The following KCNJ14 variants were observed in gnomAD, a reference collection of about 807,000 sequenced individuals.
The protein encoded by KCNJ14 is potassium inwardly rectifying channel subfamily J member 14.
A neutral mutation model predicts 24.5 loss-of-function variants in KCNJ14; 18 were observed. The observed-to-expected ratio is 0.74, with a 90% CI of 0.51 to 1.09. The LOEUF (loss-of-function observed/expected upper bound fraction) is 1.09, where lower values mean the gene tolerates loss of function less well. KCNJ14 is among the 50% of genes least tolerant of loss of function. The pLI, the probability that KCNJ14 is intolerant of heterozygous loss-of-function variation, is 0.00. For synonymous variants in KCNJ14, 288 were observed against 270.8 expected (o/e 1.06, Z -0.63); for missense variants, 633 against 623.0 (o/e 1.02, Z -0.17).
rs772340028 is a variant in KCNJ14, at chr19:48,464,419, C to T, written c.953C>T (p.Ser318Leu). 4.1e-5 allele frequency: 66 copies of T among 1,613,428 alleles called. No individual in the cohort carries two copies. Among genetic ancestry groups the T allele is most frequent in the African/African-American group, 2.7e-5 (2 of 74,894 alleles). ...ACAGCCATGACCACACAGTGTCGCT[C>T]GTCCTACCTCCCTGGTGAACTGCTC... The part of the protein sequence containing the change: ...EATAMTTQCR[S>L]SYLPGELLWG... Residue 318 changes from serine (S) to leucine (L), a missense_variant, in exon 3 of 3, where the codon TCG becomes TTG. Coordinates refer to ENST00000342291, the MANE Select transcript of KCNJ14 (RefSeq NM_013348.4).
chr19:48,464,462 G>C lies in KCNJ14; in HGVS notation c.996G>C (p.Glu332Asp), dbSNP rs1324745501. ...PGELLWGHRF[E>D]PVLFQRGSQY... is the part of the protein sequence containing the mutation. ...AACTGCTCTGGGGCCATCGTTTTGA[G>C]CCAGTTCTCTTCCAGCGTGGCTCCC... The change falls in exon 3 of 3, where the codon GAG (glutamate) becomes GAC (aspartate). Residue 332 changes from glutamate to aspartate, a missense_variant. Coordinates refer to ENST00000342291, the MANE Select transcript of KCNJ14 (RefSeq NM_013348.4). 10 of 1,613,836 alleles carry C rather than the reference G, an allele frequency of 6.2e-6. No homozygotes were observed. Among genetic ancestry groups the C allele is most frequent in the Non-Finnish European group, 7.6e-6 (9 of 1,179,974 alleles).
intron 1 of KCNJ14, among the ~76,000 whole-genome samples, chr19:48,460,384 C>T (rs1276320000): frequency 6.6e-6 from 1 of 152,128 alleles, no homozygotes; most frequent in Non-Finnish European, 1.5e-5. Context: ...GCTGGGATTA[C>T]AGGCATGTGC....
Position 48,464,678 on chromosome 19 carries a change from G to A in KCNJ14, c.1212G>A (p.Glu404=), listed in dbSNP as rs774815907. ...TGAGCTGCTGCCAGGAGGAAGATGA[G>A]GACGATGAGACTGAGGAAGGGAATG... The part of the protein sequence containing the change: ...LALSCCQEED[E]DDETEEGNGV... Residue 404 remains glutamate (E), a synonymous_variant, in exon 3 of 3, where the codon GAG becomes GAA. Transcript: ENST00000342291. 3.1e-6 allele frequency: 5 copies of A among 1,613,832 alleles called. No homozygotes were observed. Among genetic ancestry groups the A allele is most frequent in the African/African-American group, 1.3e-5 (1 of 74,922 alleles).
chr19:48,460,495 G>A lies in KCNJ14; in HGVS notation c.-55-1175G>A, dbSNP rs571694481. On this transcript the variant is annotated intron_variant, in intron 1 of 2. Transcript: ENST00000342291. ...TGACCTCAGGTGATCCGCCCGCCTC[G>A]GCCTCCCAAAGTGCTGGGATTACAG... Among the ~76,000 whole-genome samples, 36 of 152,094 alleles carry A rather than the reference G, an allele frequency of 2.4e-4. No homozygotes were observed. The South Asian group carries it at 2.9e-3, about 12-fold the overall frequency.
At chr19:48,459,657 A>G (rs1377941820) in intron 1 of KCNJ14, among the ~76,000 whole-genome samples, 1 of 151,984 alleles carries the variant, frequency 6.6e-6, no homozygotes. Flanking sequence ...CAGCCTCCCA[A>G]AGCGCTAGGA....
rs1971653693 is a variant in KCNJ14 at position 48,466,216 on chromosome 19, A to T, written c.*1439A>T. ...TGCCTCAGTCTCCTGAGTCGCTGGG[A>T]TTACAGGCATGAGCCACTATGCCTG... On this transcript the variant is annotated 3_prime_UTR_variant, in exon 3 of 3. Transcript: ENST00000342291. 6.6e-6 allele frequency: 1 copy of T among 150,820 alleles called. No individual in the cohort carries two copies. Among genetic ancestry groups the T allele is most frequent in the South Asian group, 2.1e-4 (1 of 4,790 alleles). The allele number at this position is 150,820 out of a possible 1,614,324, so 9.3% of individuals were successfully genotyped here.
In KCNJ14 at chr19:48,462,485, T is replaced by C; in HGVS notation, c.714+47T>C. 1 of 1,376,838 alleles carries C rather than the reference T, an allele frequency of 7.3e-7. No individual in the cohort carries two copies. The highest frequency in any genetic ancestry group is 9.6e-7 in the Non-Finnish European group (1 of 1,040,468). The allele number at this position is 1,376,838 out of a possible 1,614,324, so 85.3% of individuals were successfully genotyped here. ...GGGACTTCCGTGAGCCCTGGGGGATTGTGGGAGATGTAGGCCCGAGGGCGA... is the reference window on the plus strand; with the variant it reads ...GGGACTTCCGTGAGCCCTGGGGGATCGTGGGAGATGTAGGCCCGAGGGCGA... On this transcript the variant is annotated intron_variant, in intron 2 of 2. Coordinates refer to ENST00000342291, the MANE Select transcript of KCNJ14 (RefSeq NM_013348.4). The surrounding 1 kb of genome is among the most constrained non-coding windows in gnomAD (Gnocchi z 4.9).
Position 48,464,475 on chromosome 19 carries a change from C to T in KCNJ14, c.1009C>T (p.Gln337Ter). The T allele has an allele frequency of 6.2e-7, 1 of 1,614,080 alleles. No homozygotes were observed. Among genetic ancestry groups the T allele is most frequent in the Non-Finnish European group, 8.5e-7 (1 of 1,180,004 alleles). ...WGHRFEPVLFQRGSQYEVDYR... is the reference protein window; with the variant it reads ...WGHRFEPVLF Reference sequence around the variant, plus strand: ...CCATCGTTTTGAGCCAGTTCTCTTCCAGCGTGGCTCCCAGTATGAGGTCGA... The same window carrying T: ...CCATCGTTTTGAGCCAGTTCTCTTCTAGCGTGGCTCCCAGTATGAGGTCGA... Residue 337 changes from glutamine (Q) to a stop codon, truncating the protein, a stop_gained, in exon 3 of 3, where the codon CAG (glutamine) becomes TAG (stop). Transcript: ENST00000342291. LOFTEE classifies it high-confidence loss of function.
In KCNJ14 at chr19:48,464,310, A is replaced by G. The variant is rs1488341938; in HGVS notation, c.844A>G (p.Ser282Gly). 6.2e-7 allele frequency: 1 copy of G among 1,613,846 alleles called. No individual in the cohort carries two copies. Among genetic ancestry groups the G allele is most frequent in the African/African-American group, 1.3e-5 (1 of 75,006 alleles). The part of the protein sequence containing the change: ...ITIVHEIDSA[S>G]PLYELGRAEL... ...CATCGTCCATGAGATCGACTCTGCCAGTCCTCTGTATGAGCTAGGACGTGC... is the reference window on the plus strand; with the variant it reads ...CATCGTCCATGAGATCGACTCTGCCGGTCCTCTGTATGAGCTAGGACGTGC... The change falls in exon 3 of 3, where the codon AGT (serine) becomes GGT (glycine). Residue 282 changes from serine (S) to glycine (G), a missense_variant. Coordinates refer to ENST00000342291, the MANE Select transcript of KCNJ14 (RefSeq NM_013348.4).
chr19:48,466,878 G>A lies in KCNJ14; in HGVS notation c.*2101G>A, dbSNP rs543330584. The A allele has an allele frequency of 6.6e-6, 1 of 152,456 alleles. No homozygotes were observed. Among genetic ancestry groups the A allele is most frequent in the South Asian group, 2.1e-4 (1 of 4,828 alleles). 9.4% of individuals were successfully genotyped at this position (152,456 alleles called of 1,614,324 possible). ...CTTCCCTGGCCTAGCTTGGGGACCT[G>A]GGGAGGAGGAGGTAGCTCTGGACAC... On this transcript the variant is annotated 3_prime_UTR_variant, in exon 3 of 3. Transcript: ENST00000342291.
rs1971601284 is a variant in KCNJ14 at position 48,461,852 on chromosome 19, C to T, written c.128C>T (p.Ser43Leu). The stretch of plus-strand genomic sequence containing the variant: ...GGGTGGGCGCCGGCACCGGTGCAGT[C>T]ACCCGTGGGCCGGCGCCGCGGTCGC... Reference protein sequence around the residue: ...RNGWAPAPVQSPVGRRRGRFV... With the variant: ...RNGWAPAPVQLPVGRRRGRFV... The change falls in exon 2 of 3, where the codon TCA (serine) becomes TTA (leucine). Residue 43 changes from serine to leucine, a missense_variant. Coordinates refer to ENST00000342291, the MANE Select transcript of KCNJ14 (RefSeq NM_013348.4). The T allele has an allele frequency of 1.3e-6, 2 of 1,545,640 alleles. No homozygotes were observed. Among genetic ancestry groups the T allele is most frequent in the Non-Finnish European group, 1.7e-6 (2 of 1,145,932 alleles).
chr19:48,459,501 C>T (rs950925571), intron 1 of KCNJ14, among the ~76,000 whole-genome samples: 2 of 152,052 alleles, frequency 1.3e-5, no homozygotes, highest in Admixed American at 6.6e-5. Flanking sequence ...CTTAAGCAAT[C>T]CTCCCACCTC....
At position 48,464,981 on chromosome 19, in the gene KCNJ14, T is replaced by C. The variant is rs1971642021; in HGVS notation, c.*204T>C. The C allele has an allele frequency of 4.5e-5, 26 of 580,234 alleles. No individual in the cohort carries two copies. The South Asian group carries it at 5.2e-4, about 12-fold the overall frequency. 35.9% of individuals were successfully genotyped at this position (580,234 alleles called of 1,614,324 possible). On this transcript the variant is annotated 3_prime_UTR_variant, in exon 3 of 3. Transcript: ENST00000342291. Reference sequence around the variant, plus strand: ...TTAATTCCTCTGCTTCTGTGCTCCCTCCTGAGAACCCTTTATGAGCCTGAT... The same window carrying C: ...TTAATTCCTCTGCTTCTGTGCTCCCCCCTGAGAACCCTTTATGAGCCTGAT...
rs1569084708 is a variant in KCNJ14 at position 48,464,744 on chromosome 19, C to T, written c.1278C>T (p.Leu426=). ...ATGGGGCTGCTAGCCCCCGAGTTCT[C>T]ACACCAACCCTGGCGCTGACCCTGC... ...TEDGAASPRV[L]TPTLALTLPP The change falls in exon 3 of 3, where the codon CTC becomes CTT. Residue 426 remains leucine (L), a synonymous_variant. Transcript: ENST00000342291. 1.9e-6 allele frequency: 3 copies of T among 1,608,110 alleles called. No individual in the cohort carries two copies. Among genetic ancestry groups the T allele is most frequent in the Non-Finnish European group, 2.5e-6 (3 of 1,179,874 alleles).
At position 48,462,460 on chromosome 19, in the gene KCNJ14, G is replaced by A. The variant is rs1971612945; in HGVS notation, c.714+22G>A. 4.2e-6 allele frequency: 6 copies of A among 1,445,374 alleles called. No homozygotes were observed. In the South Asian group the frequency reaches 5.7e-5, roughly 14 times the overall value. 89.5% of individuals were successfully genotyped at this position (1,445,374 alleles called of 1,614,324 possible). A position where few individuals can be genotyped will look rare whatever the true frequency, so the allele number is the denominator to read the frequency against. ...GCAGGTGCGCCCGGGAGGAGAGGCG[G>A]GGACTTCCGTGAGCCCTGGGGGATT... On this transcript the variant is annotated intron_variant, in intron 2 of 2. Transcript: ENST00000342291. This position sits in a 1 kb window ranked among gnomAD's most constrained non-coding sequence, Gnocchi z 4.9.
Position 48,461,820 on chromosome 19 carries a change from C to T in KCNJ14, c.96C>T (p.Cys32=). 3 of 1,503,532 alleles carry T rather than the reference C, an allele frequency of 2.0e-6. No individual in the cohort carries two copies. Among genetic ancestry groups the T allele is most frequent in the Non-Finnish European group, 2.7e-6 (3 of 1,129,018 alleles). The allele number at this position is 1,503,532 out of a possible 1,614,324, so 93.1% of individuals were successfully genotyped here. A position where few individuals can be genotyped will look rare whatever the true frequency, so the allele number is the denominator to read the frequency against. ...GDEEEAGPGL[C]RNGWAPAPVQ... Reference sequence around the variant, plus strand: ...AAGAGGAGGCCGGGCCCGGGTTGTGCCGCAACGGGTGGGCGCCGGCACCGG... The same window carrying T: ...AAGAGGAGGCCGGGCCCGGGTTGTGTCGCAACGGGTGGGCGCCGGCACCGG... Residue 32 remains cysteine (C), a synonymous_variant, in exon 2 of 3, where the codon TGC becomes TGT. Coordinates refer to ENST00000342291, the MANE Select transcript of KCNJ14 (RefSeq NM_013348.4).
chr19:48,463,499 C>T (rs1251857209), intron 2 of KCNJ14, among the ~76,000 whole-genome samples: 4 of 152,090 alleles, frequency 2.6e-5, no homozygotes, highest in Admixed American at 6.6e-5. Flanking sequence ...AGCGGGTAGG[C>T]GGGGGTGAAA....
At position 48,455,673 on chromosome 19, in the gene KCNJ14, C is replaced by G. The variant is rs984191236; in HGVS notation, c.-241C>G. On this transcript the variant is annotated 5_prime_UTR_variant, in exon 1 of 3. Transcript: ENST00000342291. ...GGAAGTAGACAACGGGTCTGCCTCA[C>G]GGGGCTGAGGTGGGACTGGAGGATT... The G allele has an allele frequency of 6.6e-6, 1 of 152,310 alleles. No homozygotes were observed. Among genetic ancestry groups the G allele is most frequent in the South Asian group, 2.1e-4 (1 of 4,828 alleles). 9.4% of individuals were successfully genotyped at this position (152,310 alleles called of 1,614,324 possible).
rs1357138242 is a variant in KCNJ14, at chr19:48,466,064, TA to T, written c.*1288del. 1 of 152,098 alleles carries T rather than the reference TA, an allele frequency of 6.6e-6. No homozygotes were observed. Among genetic ancestry groups the T allele is most frequent in the African/African-American group, 2.4e-5 (1 of 41,334 alleles). 9.4% of individuals were successfully genotyped at this position (152,098 alleles called of 1,614,324 possible). On this transcript the variant is annotated 3_prime_UTR_variant, in exon 3 of 3. Coordinates refer to ENST00000342291, the MANE Select transcript of KCNJ14 (RefSeq NM_013348.4). ...AACCCTACACCTAGTGATGTGTGTC[TA>T]TTTCTTTTTCTTTTTCTTTTTTTTT...
Sources: allele counts gnomAD v4.1 joint callset (sites outside exome capture counted in the v4.1 genomes callset), GRCh38; gene constraint gnomAD v4.1.1; non-coding constraint Gnocchi (gnomAD v3.1); transcripts MANE v1.5; gene names NCBI Gene and HGNC (gene_info 2026-07-23, HGNC 2026-07-21).